The following TYW1B variants were observed in gnomAD, a reference collection of about 807,000 sequenced individuals.
The protein encoded by TYW1B is S-adenosyl-L-methionine-dependent tRNA 4-demethylwyosine synthase TYW1B.
Under a neutral mutation model 86.9 loss-of-function variants are expected in TYW1B, and 73 were observed. That is an observed-to-expected ratio of 0.84 (90% confidence interval 0.70 to 1.02). The LOEUF (loss-of-function observed/expected upper bound fraction) is 1.02. Ranked by LOEUF, TYW1B falls within the 50% of genes least tolerant of loss-of-function variation. The pLI is 0.00. For synonymous variants in TYW1B, 248 were observed against 292.8 expected (o/e 0.85, Z 1.56); for missense variants, 637 against 827.4 (o/e 0.77, Z 2.82).
At chr7:72,642,640 C>A (rs528438070) in intron 11 of TYW1B, among the ~76,000 whole-genome samples, 86 of 152,318 alleles carry the variant, frequency 5.6e-4, no homozygotes, top group African/African-American at 1.7e-3. Context: ...CAGTGGCTCA[C>A]GCCTGTAATC....
chr7:72,715,182 G>A (rs1419533682), intron 9 of TYW1B, among the ~76,000 whole-genome samples: 4 of 151,834 alleles, frequency 2.6e-5, no homozygotes, highest in Admixed American at 2.0e-4. Context: ...CAGGCAATTC[G>A]CAGTTTCTGA....
At chr7:72,629,675 T>C (rs1166251532) in intron 11 of TYW1B, among the ~76,000 whole-genome samples, 13 of 152,134 alleles carry the variant, frequency 8.5e-5, no homozygotes, top group African/African-American at 2.9e-4. Context: ...GCTTCCCAAG[T>C]AGCTGGGACT....
chr7:72,749,174 G>A (rs1787445357), intron 7 of TYW1B, among the ~76,000 whole-genome samples: 2 of 152,170 alleles, frequency 1.3e-5, no homozygotes, highest in South Asian at 4.1e-4. Context: ...TTGAGGAATA[G>A]ATGTATTTCA....
chr7:72,617,073 T>C (rs1812094535), intron 12 of TYW1B, among the ~76,000 whole-genome samples: 2 of 152,220 alleles, frequency 1.3e-5, no homozygotes, highest in African/African-American at 4.8e-5. Flanking sequence ...GGGGCTTAAG[T>C]ACCTGCGCTT....
At chr7:72,615,402 C>G (rs1455767413) in intron 13 of TYW1B, among the ~76,000 whole-genome samples, 1 of 152,182 alleles carries the variant, frequency 6.6e-6, no homozygotes, top group Non-Finnish European at 1.5e-5. Context: ...GTTTCTTCAC[C>G]GTTCAGACCT....
intron 7 of TYW1B, among the ~76,000 whole-genome samples, chr7:72,773,891 C>T (rs1212589344): frequency 6.6e-6 from 1 of 151,708 alleles, no homozygotes; most frequent in African/African-American, 2.4e-5. Context: ...ATGGTGAAAC[C>T]CTGTCTCTAC....
At chr7:72,810,995 GGT>G (rs1788600431) in intron 3 of TYW1B, among the ~76,000 whole-genome samples, 2 of 152,012 alleles carry the variant, frequency 1.3e-5, no homozygotes, top group Non-Finnish European at 2.9e-5. Context: ...ATACAGGCCG[GGT>G]GCGGTGGCTC....
At chr7:72,627,512 T>TAAATA (rs57361877) in intron 12 of TYW1B, among the ~76,000 whole-genome samples, 6,448 of 142,110 alleles carry the variant, frequency 0.045, 200 homozygotes, top group East Asian at 0.17. Context: ...TAACATAACA[T>TAAATA]AAATAAAATA....
At chr7:72,634,894 T>C (rs1261093818) in intron 11 of TYW1B, among the ~76,000 whole-genome samples, 2 of 152,230 alleles carry the variant, frequency 1.3e-5, no homozygotes, top group African/African-American at 4.8e-5. Flanking sequence ...AAAAGCTCTG[T>C]TATAAACGTA....
intron 9 of TYW1B, among the ~76,000 whole-genome samples, chr7:72,719,323 A>T (rs755439986): frequency 6.7e-4 from 102 of 151,690 alleles, no homozygotes; most frequent in Non-Finnish European, 1.2e-3. Flanking sequence ...AATTTTTTTT[A>T]AATTTTTGGT....
chr7:72,757,901 C>T (rs1211066170), intron 7 of TYW1B, among the ~76,000 whole-genome samples: 1 of 152,172 alleles, frequency 6.6e-6, no homozygotes, highest in African/African-American at 2.4e-5. Flanking sequence ...GACTTCAAAA[C>T]AATTCTGTAA....
intron 11 of TYW1B, among the ~76,000 whole-genome samples, chr7:72,639,859 C>A (rs1351123718): frequency 8.0e-6 from 1 of 125,568 alleles, no homozygotes. Flanking sequence ...GAGTGAGACT[C>A]CATCTCAAAA....
intron 11 of TYW1B, among the ~76,000 whole-genome samples, chr7:72,643,191 A>G (rs1338996986): frequency 2.6e-5 from 4 of 152,182 alleles, no homozygotes; most frequent in Non-Finnish European, 5.9e-5. Context: ...AAAAGGAAAC[A>G]AAAGAACAGA....
chr7:72,620,388 C>A (rs548215752), intron 12 of TYW1B, among the ~76,000 whole-genome samples: 1 of 152,220 alleles, frequency 6.6e-6, no homozygotes, highest in East Asian at 1.9e-4. Context: ...CAGAGCAAGA[C>A]TCTGTCTCAA....
At chr7:72,706,176 C>T (rs1277611028) in intron 10 of TYW1B, among the ~76,000 whole-genome samples, 12 of 152,100 alleles carry the variant, frequency 7.9e-5, no homozygotes, top group Non-Finnish European at 1.3e-4. Flanking sequence ...CACCTGTAAT[C>T]CCAGCACTTT....
intron 13 of TYW1B, among the ~76,000 whole-genome samples, chr7:72,611,886 G>A (rs192023247): frequency 1.6e-4 from 25 of 152,246 alleles, no homozygotes; most frequent in Non-Finnish European, 2.6e-4. Context: ...ACTAAACCAC[G>A]AGCTCCTTGT....
chr7:72,684,876 C>T (rs1356997156), intron 11 of TYW1B, among the ~76,000 whole-genome samples: 4 of 151,910 alleles, frequency 2.6e-5, no homozygotes, highest in South Asian at 2.1e-4. Flanking sequence ...TTTGGGAGGC[C>T]GAGGAAGGCG....
chr7:72,782,303 T>A (rs1229980481), intron 6 of TYW1B, among the ~76,000 whole-genome samples: 2 of 151,706 alleles, frequency 1.3e-5, no homozygotes, highest in Admixed American at 6.6e-5. Context: ...AATAAAAAAA[T>A]TTAAAAAAAA....
chr7:72,606,134 G>A (rs190104434), intron 13 of TYW1B, among the ~76,000 whole-genome samples: 37 of 152,258 alleles, frequency 2.4e-4, no homozygotes, highest in Middle Eastern at 3.4e-3. Flanking sequence ...TTTTATTTTT[G>A]GCTCAGATAT....
Sources: gnomAD v4.1 joint callset for allele counts (sites outside exome capture counted in the v4.1 genomes callset) on GRCh38, gnomAD v4.1.1 for gene constraint, MANE v1.5 for transcripts, NCBI Gene and HGNC (gene_info 2026-07-23, HGNC 2026-07-21) for gene names.